The following CRYBA4 variants were observed in gnomAD, a reference collection of about 807,000 sequenced individuals.
The protein encoded by CRYBA4 is crystallin beta A4.
A neutral mutation model predicts 31.7 loss-of-function variants in CRYBA4; 30 were observed. The observed-to-expected ratio is 0.95, with a 90% CI of 0.71 to 1.28. The LOEUF is 1.28. CRYBA4 is among the 50% of genes most tolerant of loss of function. The pLI is 0.00. For synonymous variants in CRYBA4, 102 were observed against 102.3 expected (o/e 1.00, Z 0.02); for missense variants, 225 against 260.7 (o/e 0.86, Z 0.94).
Position 26,625,342 on chromosome 22 carries a change from C to T in CRYBA4, c.159-139C>T, listed in dbSNP as rs558368045. 1.8e-4 allele frequency: 178 copies of T among 981,028 alleles called. No homozygotes were observed. In the African/African-American group the frequency reaches 2.8e-3, roughly 16 times the overall value. The allele number at this position is 981,028 out of a possible 1,614,324, so 60.8% of individuals were successfully genotyped here. On this transcript the variant is annotated intron_variant, in intron 3 of 5. Transcript: ENST00000354760. ...TAGTCGTGACAACCAAAAATGTCTC[C>T]AGCCATCGTCAAGTGTTTCCTGGGG...
the CRYBA4 span, chr22:26,590,292 G>C: frequency 2.8e-5 from 4 of 140,548 alleles, no homozygotes; most frequent in Admixed American, 2.2e-4. Context: ...CGGGAACCCC[G>C]CCCCGCCGCC....
At chr22:26,613,578 C>G in the CRYBA4 span, among the ~76,000 whole-genome samples, 1 of 152,330 alleles carries the variant, frequency 6.6e-6, no homozygotes, top group South Asian at 2.1e-4. Context: ...TTATCACTTC[C>G]CCAATCAATA....
At chr22:26,593,675 G>A in the CRYBA4 span, among the ~76,000 whole-genome samples, 42 of 152,026 alleles carry the variant, frequency 2.8e-4, no homozygotes, top group African/African-American at 9.2e-4. Flanking sequence ...ACAAGCATGC[G>A]CCAATATGCC....
the CRYBA4 span, chr22:26,599,567 A>T: frequency 6.2e-7 from 1 of 1,614,090 alleles, no homozygotes. Flanking sequence ...CGACGCAGGG[A>T]CTGCATCTGT....
At chr22:26,618,513 A>G (rs905083934), upstream of CRYBA4, among the ~76,000 whole-genome samples, 5 of 152,244 alleles carry the variant, frequency 3.3e-5, no homozygotes, top group African/African-American at 1.2e-4. Context: ...CGTTTTGTAA[A>G]GGCAGATGTG....
chr22:26,599,917 G>T, the CRYBA4 span, among the ~76,000 whole-genome samples: 3 of 152,216 alleles, frequency 2.0e-5, no homozygotes, highest in Admixed American at 1.3e-4. Context: ...AGAGTGCTGG[G>T]GGGGACCAAA....
At chr22:26,627,498 TTC>T (rs1569211918) in intron 4 of CRYBA4, among the ~76,000 whole-genome samples, 1 of 32,248 alleles carries the variant, frequency 3.1e-5, no homozygotes, top group South Asian at 8.8e-4. Flanking sequence ...TTTTCTTTCT[TTC>T]TTTCTTTCTT....
chr22:26,607,753 C>G, the CRYBA4 span: 8 of 1,159,438 alleles, frequency 6.9e-6, no homozygotes, highest in Non-Finnish European at 1.0e-5. Context: ...CAAGAATCCA[C>G]GGTCCTTTGA....
the CRYBA4 span, among the ~76,000 whole-genome samples, chr22:26,614,149 CG>C: frequency 6.6e-6 from 1 of 152,182 alleles, no homozygotes; most frequent in Non-Finnish European, 1.5e-5. Flanking sequence ...AATTTTGCCC[CG>C]GTCCTGTGAT....
the CRYBA4 span, among the ~76,000 whole-genome samples, chr22:26,604,344 C>T: frequency 6.6e-6 from 1 of 152,146 alleles, no homozygotes; most frequent in South Asian, 2.1e-4. Context: ...GTAATATACC[C>T]AGTACGTAGT....
rs909724095 is a variant in CRYBA4, at chr22:26,630,242, G to A, written c.444-98G>A. On this transcript the variant is annotated intron_variant, in intron 5 of 5. Coordinates refer to ENST00000354760, the MANE Select transcript of CRYBA4 (RefSeq NM_001886.3). ...TGAGCACTGAAGAAAGGCCAGGATG[G>A]CTGGAATTGTGTGCGTGTGCATAGA... 3.5e-5 allele frequency: 52 copies of A among 1,499,768 alleles called. No homozygotes were observed. The African/African-American group carries it at 4.1e-4, about 12-fold the overall frequency. 92.9% of individuals were successfully genotyped at this position (1,499,768 alleles called of 1,614,324 possible).
chr22:26,605,892 A>C, the CRYBA4 span, among the ~76,000 whole-genome samples: 1 of 152,248 alleles, frequency 6.6e-6, no homozygotes, highest in East Asian at 1.9e-4. Context: ...GTGGCAGGGC[A>C]GAGAGAGGAA....
At chr22:26,611,933 T>A in the CRYBA4 span, 10 of 730,742 alleles carry the variant, frequency 1.4e-5, no homozygotes, top group Non-Finnish European at 2.3e-5. Flanking sequence ...TTCAGTTTGA[T>A]ATGAGGATTG....
the CRYBA4 span, chr22:26,599,315 T>C: frequency 8.0e-6 from 5 of 621,208 alleles, no homozygotes; most frequent in Middle Eastern, 4.4e-4. Context: ...ATCGTTGTAA[T>C]TATTAAGAGC....
In CRYBA4 at chr22:26,622,615, A is replaced by AAGTC; in HGVS notation, c.22_25dup (p.Ala9ValfsTer12). 6.2e-7 allele frequency: 1 copy of AAGTC among 1,613,204 alleles called. No homozygotes were observed. On this transcript the variant is annotated frameshift_variant, in exon 2 of 6. Coordinates refer to ENST00000354760, the MANE Select transcript of CRYBA4 (RefSeq NM_001886.3). LOFTEE classifies it high-confidence loss of function. ...GGCCACAATGACCCTGCAATGCACA[A>AAGTC]AGTCAGCGGGACCCTGGAAGGTAGG...
the CRYBA4 span, chr22:26,596,681 T>C: frequency 6.6e-6 from 1 of 152,208 alleles, no homozygotes; most frequent in Non-Finnish European, 1.5e-5. Flanking sequence ...AGGGGGCTCA[T>C]ATGACTGTGA....
the CRYBA4 span, among the ~76,000 whole-genome samples, chr22:26,616,930 A>G: frequency 0.57 from 85,954 of 152,034 alleles, 24,832 homozygotes; most frequent in East Asian, 0.79. Context: ...GTATTCTGCC[A>G]TTTGCTTAAT....
intron 3 of CRYBA4, among the ~76,000 whole-genome samples, chr22:26,625,143 T>C (rs1156370476): frequency 1.3e-5 from 2 of 152,136 alleles, no homozygotes; most frequent in Non-Finnish European, 2.9e-5. Context: ...TGAAGCAGTT[T>C]CCCTACCTAT....
At chr22:26,615,541 T>C in the CRYBA4 span, among the ~76,000 whole-genome samples, 1 of 150,638 alleles carries the variant, frequency 6.6e-6, no homozygotes. Context: ...TTTGATGGAG[T>C]CTCCCTCTGT....
Sources: gnomAD v4.1 joint callset for allele counts (sites outside exome capture counted in the v4.1 genomes callset) on GRCh38, gnomAD v4.1.1 for gene constraint, MANE v1.5 for transcripts, NCBI Gene and HGNC (gene_info 2026-07-23, HGNC 2026-07-21) for gene names.